The following B3GAT2 variants were observed in gnomAD, a reference collection of about 807,000 sequenced individuals.
B3GAT2 encodes the protein beta-1,3-glucuronyltransferase 2.
Under a neutral mutation model 27.8 loss-of-function variants are expected in B3GAT2, and 26 were observed. That is an observed-to-expected ratio of 0.93 (90% CI 0.68 to 1.30). The LOEUF (loss-of-function observed/expected upper bound fraction) is 1.30, where lower values mean the gene tolerates loss of function less well. B3GAT2 is among the 50% of genes most tolerant of loss of function. The pLI, the probability that B3GAT2 is intolerant of heterozygous loss-of-function variation, is 0.00. For missense variants in B3GAT2, 458 were observed against 459.0 expected (o/e 1.00, Z 0.02); for synonymous variants, 218 against 195.1 (o/e 1.12, Z -0.98).
chr6:70,956,989 C>A lies in B3GAT2; in HGVS notation c.-560G>T. 1 of 995,158 alleles carries A rather than the reference C, an allele frequency of 1.0e-6. No individual in the cohort carries two copies. Among genetic ancestry groups the A allele is most frequent in the Non-Finnish European group, 1.2e-6 (1 of 836,828 alleles). The allele number at this position is 995,158 out of a possible 1,614,324, so 61.6% of individuals were successfully genotyped here. The stretch of plus-strand genomic sequence containing the variant: ...CTGGGGGTTGTGTCCCGGCTGTGTT[C>A]GCGCGCCGCAGCGGAAGCCTGCTCT... On this transcript the variant is annotated 5_prime_UTR_variant, in exon 1 of 4. Transcript: ENST00000230053.
intron 2 of B3GAT2, among the ~76,000 whole-genome samples, chr6:70,885,943 A>G (rs1316453319): frequency 6.6e-6 from 1 of 152,184 alleles, no homozygotes; most frequent in Admixed American, 6.5e-5. Flanking sequence ...CACTGTGATA[A>G]TCAAACAAAA....
chr6:70,878,362 C>T (rs1479381001), intron 2 of B3GAT2, among the ~76,000 whole-genome samples: 1 of 152,150 alleles, frequency 6.6e-6, no homozygotes. Flanking sequence ...CTGATGAATG[C>T]TGTACTTTTG....
At chr6:70,928,462 A>C (rs1254037929) in intron 1 of B3GAT2, among the ~76,000 whole-genome samples, 1 of 152,222 alleles carries the variant, frequency 6.6e-6, no homozygotes. Flanking sequence ...GGAAGAAAAG[A>C]GAGAAGAATC....
intron 1 of B3GAT2, among the ~76,000 whole-genome samples, chr6:70,950,457 C>G (rs962753193): frequency 1.3e-5 from 2 of 151,986 alleles, no homozygotes; most frequent in East Asian, 3.9e-4. Flanking sequence ...TAATCAGGTG[C>G]TTTACTTATT....
intron 2 of B3GAT2, among the ~76,000 whole-genome samples, chr6:70,881,080 T>G (rs566323647): frequency 6.6e-6 from 1 of 152,186 alleles, no homozygotes; most frequent in South Asian, 2.1e-4. Context: ...CTTTGTACTT[T>G]TGCTCCTATT....
chr6:70,890,218 C>T (rs1286790311), intron 2 of B3GAT2, among the ~76,000 whole-genome samples: 1 of 152,092 alleles, frequency 6.6e-6, no homozygotes, highest in Non-Finnish European at 1.5e-5. Flanking sequence ...TCGCCACTGT[C>T]CACCCTAACA....
chr6:70,858,291 T>C lies in B3GAT2; in HGVS notation c.*3372A>G. On this transcript the variant is annotated 3_prime_UTR_variant, in exon 4 of 4. Coordinates refer to ENST00000230053, the MANE Select transcript of B3GAT2 (RefSeq NM_080742.3). ...AACCAGATTTATTTTCTAAATCTTT[T>C]TTTTTTTTTTTTTTTTTTTTTTTTA... The C allele has an allele frequency of 1.3e-6, 1 of 758,824 alleles. No homozygotes were observed. Among genetic ancestry groups the C allele is most frequent in the Non-Finnish European group, 1.7e-6 (1 of 575,762 alleles). The allele number at this position is 758,824 out of a possible 1,614,324, so 47.0% of individuals were successfully genotyped here. A position where few individuals can be genotyped will look rare whatever the true frequency, so the allele number is the denominator to read the frequency against.
At chr6:70,944,122 G>A (rs56174573) in intron 1 of B3GAT2, among the ~76,000 whole-genome samples, 4 of 152,010 alleles carry the variant, frequency 2.6e-5, no homozygotes, top group Non-Finnish European at 2.9e-5. Context: ...GAACAGCTCC[G>A]GTCTACAGCT....
chr6:70,862,365 G>A (rs1172655744), intron 2 of B3GAT2, among the ~76,000 whole-genome samples: 2 of 152,164 alleles, frequency 1.3e-5, no homozygotes, highest in African/African-American at 4.8e-5. Flanking sequence ...TGTGGGGTAT[G>A]AGACCACATG....
rs1405889567 is a variant in B3GAT2 at position 70,861,918 on chromosome 6, C to T, written c.797G>A (p.Gly266Glu). ...SNPKAVFKRR[G>E]SQPGMQESDF... ...AGATTCTTGCATCCCTGGCTGGGAT[C>T]CACGACGCTTAAATACAGCTTTTGG... is the stretch of plus-strand genomic sequence containing the variant. The change falls in exon 3 of 4, where the codon GGA (glycine) becomes GAA (glutamate). Residue 266 changes from glycine to glutamate, a missense_variant. By Grantham distance (98) the Gly-to-Glu change is moderately conservative (BLOSUM62 -2). Coordinates refer to ENST00000230053, the MANE Select transcript of B3GAT2 (RefSeq NM_080742.3). The T allele has an allele frequency of 3.7e-6, 6 of 1,613,616 alleles. No homozygotes were observed. Among genetic ancestry groups the T allele is most frequent in the Non-Finnish European group, 5.1e-6 (6 of 1,179,842 alleles).
intron 2 of B3GAT2, among the ~76,000 whole-genome samples, chr6:70,862,360 G>A (rs1771771238): frequency 6.6e-6 from 1 of 152,070 alleles, no homozygotes; most frequent in Non-Finnish European, 1.5e-5. Context: ...CTACATGTGG[G>A]GTATGAGACC....
At chr6:70,926,363 A>C (rs1395168377) in intron 1 of B3GAT2, among the ~76,000 whole-genome samples, 1 of 152,222 alleles carries the variant, frequency 6.6e-6, no homozygotes, top group Admixed American at 6.5e-5. Flanking sequence ...AAGATTGGTA[A>C]TAACAAACTT....
chr6:70,871,222 G>GTTTTTTTTTTTTTT (rs11367700), intron 2 of B3GAT2, among the ~76,000 whole-genome samples: 5 of 65,632 alleles, frequency 7.6e-5, no homozygotes, highest in Non-Finnish European at 1.1e-4. Flanking sequence ...TTTTTTTTTT[G>GTTTTTTTTTTTTTT]TTTTTTTTTT....
intron 1 of B3GAT2, among the ~76,000 whole-genome samples, chr6:70,905,067 C>T (rs879739858): frequency 6.6e-6 from 1 of 152,210 alleles, no homozygotes; most frequent in Non-Finnish European, 1.5e-5. Flanking sequence ...GGAAACTAAA[C>T]TGCCAAATGC....
At chr6:70,937,719 C>T (rs1281545267) in intron 1 of B3GAT2, among the ~76,000 whole-genome samples, 6 of 151,820 alleles carry the variant, frequency 4.0e-5, no homozygotes, top group African/African-American at 7.3e-5. Context: ...ATGCTAAAAA[C>T]TCTCAATAAA....
intron 2 of B3GAT2, among the ~76,000 whole-genome samples, chr6:70,871,817 T>C (rs1258646498): frequency 6.6e-6 from 1 of 151,972 alleles, no homozygotes; most frequent in East Asian, 1.9e-4. Flanking sequence ...CTTTCTTCTT[T>C]TTAATGGAGG....
chr6:70,944,655 C>T (rs1209151633), intron 1 of B3GAT2, among the ~76,000 whole-genome samples: 2 of 152,160 alleles, frequency 1.3e-5, no homozygotes, highest in Non-Finnish European at 2.9e-5. Context: ...CACAGACAAA[C>T]AAAAAGATGG....
intron 2 of B3GAT2, among the ~76,000 whole-genome samples, chr6:70,893,359 T>C (rs954002315): frequency 2.0e-5 from 3 of 152,106 alleles, no homozygotes; most frequent in African/African-American, 7.2e-5. Context: ...GAGATCAATT[T>C]TGAAGCCTTT....
At chr6:70,888,818 C>A (rs1332800071) in intron 2 of B3GAT2, among the ~76,000 whole-genome samples, 1 of 152,248 alleles carries the variant, frequency 6.6e-6, no homozygotes, top group Non-Finnish European at 1.5e-5. Context: ...CATGATCCCT[C>A]CCTACCCTGG....
Sources: allele counts gnomAD v4.1 joint callset (sites outside exome capture counted in the v4.1 genomes callset), GRCh38; gene constraint gnomAD v4.1.1; transcripts MANE v1.5; gene names NCBI Gene and HGNC (gene_info 2026-07-23, HGNC 2026-07-21).